ZNF385D: variants seen among roughly 807,000 people sequenced by gnomAD.
The protein encoded by ZNF385D is zinc finger protein 385D.
In ZNF385D, 15 loss-of-function variants were observed where a neutral mutation model predicts 35.8. That is an observed-to-expected ratio of 0.42 (90% confidence interval 0.28 to 0.64). The LOEUF is 0.64. Among genes scored for constraint, ZNF385D ranks in the 30% least tolerant of loss-of-function variants. ZNF385D has a pLI of 0.23. For synonymous variants in ZNF385D, 212 were observed against 186.8 expected (o/e 1.13, Z -1.10); for missense variants, 474 against 494.6 (o/e 0.96, Z 0.39).
intron 3 of ZNF385D, among the ~76,000 whole-genome samples, chr3:21,980,563 C>T (rs924218563): frequency 1.3e-5 from 2 of 152,028 alleles, no homozygotes; most frequent in Middle Eastern, 3.2e-3. Flanking sequence ...ATGGTTCAAC[C>T]TTCCTTTTAA....
chr3:21,746,665 C>T (rs780330204), intron 1 of ZNF385D, among the ~76,000 whole-genome samples: 31 of 152,150 alleles, frequency 2.0e-4, no homozygotes, highest in Non-Finnish European at 3.5e-4. Flanking sequence ...CTGTCAGCTT[C>T]GGGGAGATAG....
At chr3:22,025,935 G>T (rs1347899435) in intron 3 of ZNF385D, among the ~76,000 whole-genome samples, 1 of 152,100 alleles carries the variant, frequency 6.6e-6, no homozygotes, top group Non-Finnish European at 1.5e-5. Flanking sequence ...TGAATAATTG[G>T]ATCTCAAGGT....
Position 21,530,786 on chromosome 3 carries a change from G to C in ZNF385D, c.277-19763C>G, listed in dbSNP as rs144883430. ...TGTCCATCTAAAGGAAAAGAAGAAG[G>C]AAGAGAGCACCACCTCTGAGAGAAG... On this transcript the variant is annotated intron_variant, in intron 3 of 7. Coordinates refer to ENST00000281523, the MANE Select transcript of ZNF385D (RefSeq NM_024697.3). Among the ~76,000 whole-genome samples the C allele has an allele frequency of 1.8e-3, 276 of 152,222 alleles. 1 individual carries two copies. The highest frequency in any genetic ancestry group is 6.5e-3 in the African/African-American group (269 of 41,534).
At chr3:21,821,317 C>G (rs142579696) in intron 3 of ZNF385D, among the ~76,000 whole-genome samples, 1 of 152,144 alleles carries the variant, frequency 6.6e-6, no homozygotes, top group East Asian at 1.9e-4. Context: ...TTGTCCTTAT[C>G]TCAATAGTAG....
At chr3:22,161,602 C>A (rs1705955091) in intron 3 of ZNF385D, among the ~76,000 whole-genome samples, 1 of 152,046 alleles carries the variant, frequency 6.6e-6, no homozygotes, top group Non-Finnish European at 1.5e-5. Context: ...TTCCTTTCTG[C>A]CACTTCTTTA....
At chr3:22,310,246 T>C (rs1703465465) in intron 2 of ZNF385D, among the ~76,000 whole-genome samples, 1 of 151,998 alleles carries the variant, frequency 6.6e-6, no homozygotes, top group South Asian at 2.1e-4. Context: ...GCAAGGAATT[T>C]AACTTCTTGG....
intron 3 of ZNF385D, among the ~76,000 whole-genome samples, chr3:22,003,251 C>T (rs1179717984): frequency 1.3e-5 from 2 of 152,148 alleles, no homozygotes; most frequent in African/African-American, 2.4e-5. Context: ...AATCAACATA[C>T]AGAAATCAAT....
intron 3 of ZNF385D, among the ~76,000 whole-genome samples, chr3:21,922,369 C>T (rs1360351157): frequency 6.6e-6 from 1 of 152,154 alleles, no homozygotes. Flanking sequence ...AGAGGCATCA[C>T]ATTGCCCAAA....
intron 4 of ZNF385D, among the ~76,000 whole-genome samples, chr3:21,494,491 G>C (rs1215396054): frequency 6.6e-6 from 1 of 152,142 alleles, no homozygotes; most frequent in African/African-American, 2.4e-5. Context: ...AGGATTATGG[G>C]AAGATTAAGT....
rs1359866642 is a variant in ZNF385D at position 21,711,675 on chromosome 3, G to A, written c.22+39220C>T. ...TCTTCAAATTTTAAAATGCATCCAA[G>A]TAATCTGGATGTTTATTTTTATTTT... On this transcript the variant is annotated intron_variant, in intron 1 of 7. Coordinates refer to ENST00000281523, the MANE Select transcript of ZNF385D (RefSeq NM_024697.3). Among the ~76,000 whole-genome samples, 3 of 152,244 alleles carry A rather than the reference G, an allele frequency of 2.0e-5. No individual in the cohort carries two copies. The East Asian group carries it at 5.8e-4, about 29-fold the overall frequency.
chr3:22,020,732 C>A lies in ZNF385D; in HGVS notation c.325+148085G>T, dbSNP rs550627008. On this transcript the variant is annotated intron_variant, in intron 3 of 5. Coordinates refer to the ZNF385D transcript ENST00000494108. ...AGCAGTATGGAGATTTCTCCAAGAA[C>A]TTAATATAGAACTACCATTTAATCC... 6.6e-5 allele frequency among the ~76,000 whole-genome samples: 10 copies of A among 152,052 alleles called. No homozygotes were observed. In the East Asian group the frequency reaches 1.7e-3, roughly 26 times the overall value.
At chr3:21,456,561 G>C (rs140110301) in intron 4 of ZNF385D, among the ~76,000 whole-genome samples, 1,700 of 152,148 alleles carry the variant, frequency 0.011, 85 homozygotes, top group Admixed American at 0.085. Flanking sequence ...ACAGGAAGGG[G>C]AACATCACAC....
chr3:21,977,605 G>T (rs1703713026), intron 3 of ZNF385D, among the ~76,000 whole-genome samples: 1 of 151,960 alleles, frequency 6.6e-6, no homozygotes, highest in Non-Finnish European at 1.5e-5. Context: ...GAGTGCTTGA[G>T]GACAGGAGCT....
intron 3 of ZNF385D, among the ~76,000 whole-genome samples, chr3:21,819,657 A>T (rs894348219): frequency 6.8e-6 from 1 of 146,644 alleles, no homozygotes; most frequent in Admixed American, 6.8e-5. Context: ...TTATATATTT[A>T]TGTGTATTAA....
intron 3 of ZNF385D, among the ~76,000 whole-genome samples, chr3:22,061,586 T>C (rs1699688852): frequency 6.6e-6 from 1 of 152,244 alleles, no homozygotes; most frequent in South Asian, 2.1e-4. Flanking sequence ...ACTCAGGATC[T>C]GATCCTCAAT....
chr3:22,214,800 C>T (rs952517742), intron 2 of ZNF385D, among the ~76,000 whole-genome samples: 10 of 152,070 alleles, frequency 6.6e-5, no homozygotes, highest in African/African-American at 2.4e-4. Context: ...CCCAAAACTT[C>T]ATTAGCAATT....
chr3:21,950,039 T>A (rs1189544879), intron 3 of ZNF385D, among the ~76,000 whole-genome samples: 2 of 152,166 alleles, frequency 1.3e-5, no homozygotes, highest in Admixed American at 6.5e-5. Context: ...GTCTTTATAG[T>A]AGAATGATTT....
intron 3 of ZNF385D, among the ~76,000 whole-genome samples, chr3:21,890,023 G>C (rs1312228396): frequency 6.6e-6 from 1 of 152,076 alleles, no homozygotes; most frequent in African/African-American, 2.4e-5. Flanking sequence ...GCCCACCCTA[G>C]TGATTTCATT....
At chr3:22,066,538 GT>G (rs1231005084) in intron 3 of ZNF385D, among the ~76,000 whole-genome samples, 1 of 14,784 alleles carries the variant, frequency 6.8e-5, no homozygotes, top group African/African-American at 5.6e-4. Flanking sequence ...TTCCCTGTGT[GT>G]GTGTGTGTGT....
Sources: gnomAD v4.1 joint callset for allele counts (sites outside exome capture counted in the v4.1 genomes callset) on GRCh38, gnomAD v4.1.1 for gene constraint, MANE v1.5 for transcripts, NCBI Gene and HGNC (gene_info 2026-07-23, HGNC 2026-07-21) for gene names.